Variants in NLGN1 observed in about 807,000 individuals in gnomAD.
The protein encoded by NLGN1 is neuroligin-1.
Under a neutral mutation model 65.5 loss-of-function variants are expected in NLGN1, and 12 were observed. That is an observed-to-expected ratio of 0.18 (90% CI 0.12 to 0.30). The LOEUF (loss-of-function observed/expected upper bound fraction) is 0.30, where lower values mean the gene tolerates loss of function less well. Among genes scored for constraint, NLGN1 ranks in the 10% least tolerant of loss-of-function variants. The pLI is 1.00. For missense variants in NLGN1, 750 were observed against 1,007.1 expected, an observed-to-expected ratio of 0.74 and a Z score of 3.46; for synonymous variants, 350 against 359.5, an observed-to-expected ratio of 0.97 and a Z score of 0.30.
chr3:173,466,423 G>A lies in NLGN1; in HGVS notation c.-321+31345G>A, dbSNP rs145264552. Among the ~76,000 whole-genome samples the A allele has an allele frequency of 8.1e-4, 123 of 152,262 alleles. No homozygotes were observed. The East Asian group carries it at 0.018, about 23-fold the overall frequency. Reference sequence around the variant, plus strand: ...GGAGTTCCTAGTTGTAAATATTCCTGTACTGTAGCCAATTTCTAGCTACCA... The same window carrying A: ...GGAGTTCCTAGTTGTAAATATTCCTATACTGTAGCCAATTTCTAGCTACCA... On this transcript the variant is annotated intron_variant, in intron 2 of 6. Coordinates refer to ENST00000457714, the Ensembl canonical transcript of NLGN1.
At chr3:173,840,389 T>C (rs1223655410) in intron 4 of NLGN1, among the ~76,000 whole-genome samples, 1 of 152,232 alleles carries the variant, frequency 6.6e-6, no homozygotes, top group African/African-American at 2.4e-5. Context: ...GATAGAGTTT[T>C]CAAGTATTTC....
intron 1 of NLGN1, among the ~76,000 whole-genome samples, chr3:173,408,713 C>T (rs1222640128): frequency 6.6e-6 from 1 of 152,106 alleles, no homozygotes; most frequent in East Asian, 1.9e-4. Flanking sequence ...GAGATCGAGA[C>T]CTTCCTGGCT....
chr3:174,027,718 C>G (rs1356722764), intron 4 of NLGN1, among the ~76,000 whole-genome samples: 1 of 152,078 alleles, frequency 6.6e-6, no homozygotes. Flanking sequence ...TTTTTAAAAG[C>G]TTAATTTTTA....
chr3:173,416,611 T>C (rs903870965), intron 1 of NLGN1, among the ~76,000 whole-genome samples: 1 of 152,214 alleles, frequency 6.6e-6, no homozygotes, highest in African/African-American at 2.4e-5. Context: ...CCTGAGGCTT[T>C]TTCTGGTAAA....
intron 4 of NLGN1, among the ~76,000 whole-genome samples, chr3:174,213,424 T>G (rs1025558181): frequency 1.3e-5 from 2 of 152,210 alleles, no homozygotes; most frequent in African/African-American, 4.8e-5. Context: ...ATTCTAAGAC[T>G]GGTTCAAAGG....
chr3:173,903,283 G>A (rs1560594304), intron 4 of NLGN1, among the ~76,000 whole-genome samples: 1 of 152,056 alleles, frequency 6.6e-6, no homozygotes, highest in Non-Finnish European at 1.5e-5. Flanking sequence ...GGGAGGAGAG[G>A]ATGATCAGGA....
chr3:173,796,839 C>T (rs895159308), intron 3 of NLGN1, among the ~76,000 whole-genome samples: 19 of 151,960 alleles, frequency 1.3e-4, no homozygotes, highest in Admixed American at 1.1e-3. Flanking sequence ...AATGTGTTAC[C>T]CTTTGAGGAA....
chr3:174,152,813 G>C (rs1724656326), intron 4 of NLGN1, among the ~76,000 whole-genome samples: 1 of 151,998 alleles, frequency 6.6e-6, no homozygotes, highest in African/African-American at 2.4e-5. Context: ...AAGAAAACCA[G>C]ATACTTAATA....
chr3:173,836,545 A>G (rs1723669292), intron 4 of NLGN1, among the ~76,000 whole-genome samples: 1 of 152,210 alleles, frequency 6.6e-6, no homozygotes, highest in African/African-American at 2.4e-5. Context: ...ATAAAACAAT[A>G]TAATTGTGGA....
chr3:173,879,726 T>C (rs1732864810), intron 4 of NLGN1, among the ~76,000 whole-genome samples: 1 of 152,084 alleles, frequency 6.6e-6, no homozygotes, highest in Non-Finnish European at 1.5e-5. Flanking sequence ...TTCTTCCAAA[T>C]GTGTGGAGTC....
At chr3:173,583,088 T>C (rs1746659570) in intron 2 of NLGN1, among the ~76,000 whole-genome samples, 1 of 152,330 alleles carries the variant, frequency 6.6e-6, no homozygotes, top group East Asian at 1.9e-4. Context: ...ATTGGACTAG[T>C]TTCTAGCCCT....
chr3:173,854,675 T>G (rs999080798), intron 4 of NLGN1, among the ~76,000 whole-genome samples: 1 of 152,104 alleles, frequency 6.6e-6, no homozygotes, highest in Non-Finnish European at 1.5e-5. Context: ...AATATTGAAG[T>G]TCAAGGAGTG....
chr3:174,164,156 A>G (rs957246732), intron 4 of NLGN1, among the ~76,000 whole-genome samples: 2 of 151,708 alleles, frequency 1.3e-5, no homozygotes, highest in African/African-American at 2.4e-5. Flanking sequence ...GTAGTGTCTT[A>G]TTGTCGTTTT....
intron 2 of NLGN1, among the ~76,000 whole-genome samples, chr3:173,598,901 T>C (rs185145308): frequency 1.4e-3 from 214 of 152,214 alleles, no homozygotes; most frequent in Middle Eastern, 3.4e-3. Context: ...GATTATTCTG[T>C]ATTGAGAAAA....
At chr3:173,660,368 T>A (rs1026117704) in intron 3 of NLGN1, among the ~76,000 whole-genome samples, 208 of 150,420 alleles carry the variant, frequency 1.4e-3, no homozygotes, top group Admixed American at 4.3e-3. Context: ...ATTTTATTTT[T>A]TTTTTCAAAT....
At chr3:174,284,703 G>T (rs1179535837) in exon 7 of NLGN1, 1 of 151,170 alleles carries the variant, frequency 6.6e-6, no homozygotes, top group Non-Finnish European at 1.5e-5. Flanking sequence ...AAATCTAATT[G>T]GCTACCACAG....
chr3:174,090,051 C>A (rs915890059), intron 4 of NLGN1, among the ~76,000 whole-genome samples: 16 of 151,922 alleles, frequency 1.1e-4, no homozygotes, highest in African/African-American at 3.6e-4. Context: ...GAAAAGCAAG[C>A]CTTTATTTAT....
At chr3:173,950,227 A>G (rs1747937802) in intron 4 of NLGN1, among the ~76,000 whole-genome samples, 1 of 152,166 alleles carries the variant, frequency 6.6e-6, no homozygotes, top group Admixed American at 6.5e-5. Context: ...CTGTGAATGT[A>G]AAACTTTCAT....
chr3:173,656,079 G>A (rs934989798), intron 3 of NLGN1, among the ~76,000 whole-genome samples: 1 of 152,104 alleles, frequency 6.6e-6, no homozygotes, highest in Non-Finnish European at 1.5e-5. Context: ...AAATGAAGAG[G>A]ATGAAGGAAA....
Sources: allele counts gnomAD v4.1 joint callset (sites outside exome capture counted in the v4.1 genomes callset), GRCh38; gene constraint gnomAD v4.1.1; transcripts MANE v1.5; gene names NCBI Gene and HGNC (gene_info 2026-07-23, HGNC 2026-07-21).